The following COPS6 variants were observed in gnomAD, a reference collection of about 807,000 sequenced individuals.
COPS6 encodes the protein COP9 signalosome subunit 6, also known as COP9 signalosome complex subunit 6.
A neutral mutation model predicts 41.0 loss-of-function variants in COPS6; 9 were observed. The observed-to-expected ratio is 0.22, with a 90% CI of 0.13 to 0.38. COPS6 has a LOEUF of 0.38. Among genes scored for constraint, COPS6 ranks in the 10% least tolerant of loss-of-function variants. COPS6 has a pLI of 1.00. For missense variants in COPS6, 302 were observed against 436.7 expected (o/e 0.69, Z 2.75); for synonymous variants, 179 against 162.9 (o/e 1.10, Z -0.75).
Position 100,090,521 on chromosome 7 carries a change from G to A in COPS6, c.423+34G>A, listed in dbSNP as rs10277108. On this transcript the variant is annotated intron_variant, in intron 4 of 9. Coordinates refer to ENST00000303904, the MANE Select transcript of COPS6 (RefSeq NM_006833.5). ...GCTCACACCTGTGCATGCTGGGGCA[G>A]AGAATGGAGAATGAGGGGAAGGAGA... 3.6e-3 allele frequency: 5,844 copies of A among 1,610,472 alleles called. 189 individuals carry two copies. In the African/African-American group the frequency reaches 0.064, roughly 18 times the overall value.
chr7:100,090,519 C>T, intron 4 of COPS6, 32 bp downstream of exon 4: 1 of 1,609,946 alleles, frequency 6.2e-7, no homozygotes. Flanking sequence ...CATGCTGGGG[C>T]AGAGAATGGA....
intron 1 of COPS6, 89 bp from the exon 2 acceptor site, chr7:100,089,201 G>T: frequency 1.3e-6 from 2 of 1,536,342 alleles, no homozygotes; most frequent in South Asian, 1.2e-5. Flanking sequence ...AGGAAAGTGT[G>T]GCCCGGGCTC....
In COPS6 at chr7:100,091,405, T is replaced by C. The variant is rs1291668325; in HGVS notation, c.743-15T>C. On this transcript the variant is annotated splice_polypyrimidine_tract_variant and intron_variant, in intron 8 of 9. Transcript: ENST00000303904. This position sits in a 1 kb window ranked among gnomAD's most constrained non-coding sequence, Gnocchi z 4.1. ...ACAGCATCCAAACTAATGTAGTCTCTTTTTGTGCCTTTAGGAGAGGTCCCC... is the reference window on the plus strand; with the variant it reads ...ACAGCATCCAAACTAATGTAGTCTCCTTTTGTGCCTTTAGGAGAGGTCCCC... 1 of 1,613,760 alleles carries C rather than the reference T, an allele frequency of 6.2e-7. No individual in the cohort carries two copies. Among genetic ancestry groups the C allele is most frequent in the Non-Finnish European group, 8.5e-7 (1 of 1,179,636 alleles).
chr7:100,089,567 A>G (rs905104838), intron 2 of COPS6, 48 bp from the exon 3 acceptor site: 10 of 1,603,756 alleles, frequency 6.2e-6, no homozygotes, highest in East Asian at 2.2e-5. Flanking sequence ...CCCTCAGGTC[A>G]TAGAAGTTTC....
rs920559710 is a variant in COPS6 at position 100,091,722 on chromosome 7, T to C, written c.917T>C (p.Val306Ala). 1 of 1,614,084 alleles carries C rather than the reference T, an allele frequency of 6.2e-7. No homozygotes were observed. Among genetic ancestry groups the C allele is most frequent in the African/African-American group, 1.3e-5 (1 of 74,932 alleles). Residue 306 changes from valine (V) to alanine (A), a missense_variant, in exon 10 of 10, where the codon GTG (valine) becomes GCG (alanine). This residue lies in a region of COPS6 where 222 missense variants were observed against 309.0 expected (regional missense o/e 0.72). Coordinates refer to ENST00000303904, the MANE Select transcript of COPS6 (RefSeq NM_006833.5). This position sits in a 1 kb window ranked among gnomAD's most constrained non-coding sequence, Gnocchi z 4.1. ...TKTCNTMNQF[V>A]NKFNVLYDRQ... ...ACGTGCAACACCATGAACCAGTTTG[T>C]GAACAAGTTCAATGTCCTCTACGAC... is the stretch of plus-strand genomic sequence containing the variant.
In COPS6 at chr7:100,092,171, CATG is replaced by C. The variant is rs150899666; in HGVS notation, c.*385_*387del. The C allele has an allele frequency of 1.1e-3, 211 of 194,354 alleles. No individual in the cohort carries two copies. Among genetic ancestry groups the C allele is most frequent in the African/African-American group, 4.2e-3 (181 of 42,748 alleles). The allele number at this position is 194,354 out of a possible 1,614,324, so 12.0% of individuals were successfully genotyped here. ...TACCTAGCCCACCCAACCTTATAAA[CATG>C]ATAATTGACTACTTTCCTGAGCTAA... On this transcript the variant is annotated 3_prime_UTR_variant, in exon 10 of 10. Coordinates refer to ENST00000303904, the MANE Select transcript of COPS6 (RefSeq NM_006833.5).
Position 100,089,053 on chromosome 7 carries a change from G to A in COPS6, c.63G>A (p.Glu21=). 4 of 1,395,956 alleles carry A rather than the reference G, an allele frequency of 2.9e-6. No individual in the cohort carries two copies. The highest frequency in any genetic ancestry group is 3.7e-6 in the Non-Finnish European group (4 of 1,073,984). 86.5% of individuals were successfully genotyped at this position (1,395,956 alleles called of 1,614,324 possible). A position where few individuals can be genotyped will look rare whatever the true frequency, so the allele number is the denominator to read the frequency against. ...TNGTGGSSGM[E]VDAAVVPSVM... is the part of the protein sequence containing the mutation. ...GGACCGGAGGAAGCAGCGGGATGGA[G>A]GTGGATGCAGCAGGTAACGGGCCGT... The change falls in exon 1 of 10, where the codon GAG becomes GAA. Residue 21 remains glutamate, a synonymous_variant. Transcript: ENST00000303904.
rs764511194 is a variant in COPS6, at chr7:100,089,295, C to T, written c.82C>T (p.Pro28Ser). The T allele has an allele frequency of 6.2e-7, 1 of 1,613,984 alleles. No homozygotes were observed. Among genetic ancestry groups the T allele is most frequent in the Non-Finnish European group, 8.5e-7 (1 of 1,179,974 alleles). ...SGMEVDAAVV[P>S]SVMACGVTGS... ...TCCTTTCCCTCCACCCTTAGTAGTCCCCAGCGTGATGGCCTGCGGAGTGAC... is the reference window on the plus strand; with the variant it reads ...TCCTTTCCCTCCACCCTTAGTAGTCTCCAGCGTGATGGCCTGCGGAGTGAC... Residue 28 changes from proline to serine, a missense_variant, in exon 2 of 10, where the codon CCC becomes TCC. Physicochemically the swap from Pro to Ser is moderately conservative, Grantham distance 74. This residue lies in a region of COPS6 where 76 missense variants were observed against 97.9 expected (regional missense o/e 0.78). Transcript: ENST00000303904.
chr7:100,089,585 T>G (rs1795283604), intron 2 of COPS6, 30 bp from the exon 3 acceptor site: 1 of 1,607,998 alleles, frequency 6.2e-7, no homozygotes, highest in South Asian at 1.1e-5. Context: ...TTCTTTACCC[T>G]CACCTTTTCC....
chr7:100,088,978 G>A lies in COPS6; in HGVS notation c.-13G>A. 6.1e-6 allele frequency: 8 copies of A among 1,316,490 alleles called. No individual in the cohort carries two copies. The highest frequency in any genetic ancestry group is 7.8e-6 in the Non-Finnish European group (8 of 1,031,188). The allele number at this position is 1,316,490 out of a possible 1,614,324, so 81.6% of individuals were successfully genotyped here. ...GGAAGGGGGCGGGGCCGAGGCTGGC[G>A]GGCGCGGGGAAAATGGCGGCGGCGG... On this transcript the variant is annotated 5_prime_UTR_variant, in exon 1 of 10. Coordinates refer to ENST00000303904, the MANE Select transcript of COPS6 (RefSeq NM_006833.5).
intron 2 of COPS6, 67 bp from the exon 3 acceptor site, chr7:100,089,548 G>GGTTCCCCA: frequency 6.3e-7 from 1 of 1,599,890 alleles, no homozygotes; most frequent in Non-Finnish European, 8.5e-7. Flanking sequence ...GGTTCCCACT[G>GGTTCCCCA]ATCTCAGACC....
intron 2 of COPS6, 37 bp downstream of exon 2, chr7:100,089,452 G>A (rs965048279): frequency 6.2e-7 from 1 of 1,612,832 alleles, no homozygotes; most frequent in African/African-American, 1.3e-5. Context: ...TCTTCTCCTT[G>A]CTCACCTCCC....
At position 100,091,329 on chromosome 7, in the gene COPS6, G is replaced by A. The variant is rs145902681; in HGVS notation, c.741G>A (p.Ala247=). The change falls in exon 8 of 10, where the codon GCG becomes GCA. Residue 247 remains alanine, a splice_region_variant and synonymous_variant. Transcript: ENST00000303904. The surrounding 1 kb of genome is among the most constrained non-coding windows in gnomAD (Gnocchi z 4.1). ...TGGAGTACGTCAAGGCCTCTGAAGC[G>A]GGTAGGACAGGGGCTTCCCTGGCAT... ...LILEYVKASE[A]GEVPFNHEIL... is the part of the protein sequence containing the mutation. 6.2e-3 allele frequency: 9,974 copies of A among 1,614,124 alleles called. 44 individuals are homozygous for A. The highest frequency in any genetic ancestry group is 7.5e-3 in the Non-Finnish European group (8,896 of 1,179,958).
chr7:100,090,966 C>T lies in COPS6; in HGVS notation c.534+17C>T, dbSNP rs762866318. 6.2e-7 allele frequency: 1 copy of T among 1,614,084 alleles called. No individual in the cohort carries two copies. Among genetic ancestry groups the T allele is most frequent in the Non-Finnish European group, 8.5e-7 (1 of 1,179,874 alleles). On this transcript the variant is annotated intron_variant, in intron 6 of 9. Transcript: ENST00000303904. ...AATGGAGAGGTAATACCCTACCCTT[C>T]AACCCTCAGATCCTGCTCTTGGCCT...
chr7:100,089,522 C>T, intron 2 of COPS6, 93 bp from the exon 3 acceptor site: 1 of 1,600,204 alleles, frequency 6.2e-7, no homozygotes, highest in Non-Finnish European at 8.5e-7. Context: ...CCCAAATCAT[C>T]GTTTCCCCAA....
rs1263791671 is a variant in COPS6 at position 100,089,280 on chromosome 7, C to T, written c.77-10C>T. On this transcript the variant is annotated splice_polypyrimidine_tract_variant and intron_variant, in intron 1 of 9. Coordinates refer to ENST00000303904, the MANE Select transcript of COPS6 (RefSeq NM_006833.5). Reference sequence around the variant, plus strand: ...GACTCTCACCCTCTCTCCTTTCCCTCCACCCTTAGTAGTCCCCAGCGTGAT... The same window carrying T: ...GACTCTCACCCTCTCTCCTTTCCCTTCACCCTTAGTAGTCCCCAGCGTGAT... 6.2e-7 allele frequency: 1 copy of T among 1,612,176 alleles called. No homozygotes were observed. The highest frequency in any genetic ancestry group is 1.3e-5 in the African/African-American group (1 of 74,838).
In COPS6 at chr7:100,091,836, A is replaced by G. The variant is rs1158289023; in HGVS notation, c.*47A>G. Reference sequence around the variant, plus strand: ...TGGACAGGGGTCAGGCAACTATCCCAAAGGGGAGGGCACTACACTTCCTTG... The same window carrying G: ...TGGACAGGGGTCAGGCAACTATCCCGAAGGGGAGGGCACTACACTTCCTTG... On this transcript the variant is annotated 3_prime_UTR_variant, in exon 10 of 10. Coordinates refer to ENST00000303904, the MANE Select transcript of COPS6 (RefSeq NM_006833.5). This position sits in a 1 kb window ranked among gnomAD's most constrained non-coding sequence, Gnocchi z 4.1. 1 of 1,612,506 alleles carries G rather than the reference A, an allele frequency of 6.2e-7. No individual in the cohort carries two copies. The highest frequency in any genetic ancestry group is 1.7e-5 in the Admixed American group (1 of 59,982).
In COPS6 at chr7:100,089,360, C is replaced by T; in HGVS notation, c.147C>T (p.Leu49=). Residue 49 remains leucine, a synonymous_variant, in exon 2 of 10, where the codon CTC becomes CTT. Transcript: ENST00000303904. ...VSVALHPLVI[L]NISDHWIRMR... is the part of the protein sequence containing the mutation. ...TCGCTCTCCATCCCCTTGTCATTCTCAACATCTCAGACCACTGGATCCGCA... is the reference window on the plus strand; with the variant it reads ...TCGCTCTCCATCCCCTTGTCATTCTTAACATCTCAGACCACTGGATCCGCA... 6.2e-7 allele frequency: 1 copy of T among 1,614,112 alleles called. No homozygotes were observed. Among genetic ancestry groups the T allele is most frequent in the Non-Finnish European group, 8.5e-7 (1 of 1,180,018 alleles).
Position 100,091,918 on chromosome 7 carries a change from G to C in COPS6, c.*129G>C. 1.6e-6 allele frequency: 2 copies of C among 1,216,390 alleles called. No homozygotes were observed. Among genetic ancestry groups the C allele is most frequent in the Non-Finnish European group, 2.3e-6 (2 of 865,228 alleles). 75.3% of individuals were successfully genotyped at this position (1,216,390 alleles called of 1,614,324 possible). ...CAGCCCCTGAGCACCCCTGCTGGTG[G>C]CTCTGTCCTCTGTTAGGCACCACAC... On this transcript the variant is annotated 3_prime_UTR_variant, in exon 10 of 10. Coordinates refer to ENST00000303904, the MANE Select transcript of COPS6 (RefSeq NM_006833.5). This position sits in a 1 kb window ranked among gnomAD's most constrained non-coding sequence, Gnocchi z 4.1.
Sources: gnomAD v4.1 joint callset for allele counts on GRCh38, gnomAD v4.1.1 for gene constraint, gnomAD v4.1.1 regional missense constraint, Gnocchi (gnomAD v3.1) non-coding constraint, MANE v1.5 for transcripts, NCBI Gene and HGNC (gene_info 2026-07-23, HGNC 2026-07-21) for gene names.